ESR1: variants seen among roughly 807,000 people sequenced by gnomAD.
ESR1 encodes the protein estrogen receptor.
A neutral mutation model predicts 52.7 loss-of-function variants in ESR1; 12 were observed. That is an observed-to-expected ratio of 0.23 (90% CI 0.15 to 0.37). The LOEUF (loss-of-function observed/expected upper bound fraction) is 0.37, where lower values mean the gene tolerates loss of function less well. Among genes scored for constraint, ESR1 ranks in the 10% least tolerant of loss-of-function variants. The pLI is 1.00. For synonymous variants in ESR1, 305 were observed against 316.8 expected, an observed-to-expected ratio of 0.96 and a Z score of 0.39; for missense variants, 584 against 779.7, an observed-to-expected ratio of 0.75 and a Z score of 2.99.
intron 1 of ESR1, among the ~76,000 whole-genome samples, chr6:151,663,975 G>A (rs1024799483): frequency 4.6e-5 from 7 of 152,042 alleles, no homozygotes; most frequent in African/African-American, 1.4e-4. Flanking sequence ...CCTCTGCCCC[G>A]GACTCTGTTG....
intron 3 of ESR1, among the ~76,000 whole-genome samples, chr6:151,899,951 G>C (rs953081800): frequency 2.0e-5 from 3 of 150,668 alleles, no homozygotes; most frequent in Non-Finnish European, 3.0e-5. Flanking sequence ...CATCCCAGAC[G>C]ATGGCGGCCA....
At chr6:152,005,625 G>C (rs2042270266) in intron 4 of ESR1, among the ~76,000 whole-genome samples, 1 of 152,020 alleles carries the variant, frequency 6.6e-6, no homozygotes, top group African/African-American at 2.4e-5. Context: ...ATGGCTTTCT[G>C]GGACATCTGC....
At chr6:151,775,591 C>CAA (rs199783825) in intron 2 of ESR1, among the ~76,000 whole-genome samples, 3 of 151,748 alleles carry the variant, frequency 2.0e-5, no homozygotes, top group African/African-American at 7.3e-5. Context: ...ACTAAAAATA[C>CAA]AAAAAAATTA....
chr6:151,714,556 C>T (rs1199880007), intron 2 of ESR1, among the ~76,000 whole-genome samples: 3 of 152,116 alleles, frequency 2.0e-5, no homozygotes, highest in Non-Finnish European at 4.4e-5. Flanking sequence ...ATAGTTAGCT[C>T]TTCTCGTTGC....
chr6:151,821,391 C>T (rs1459176602), intron 1 of ESR1, among the ~76,000 whole-genome samples: 1 of 152,210 alleles, frequency 6.6e-6, no homozygotes, highest in Admixed American at 6.5e-5. Flanking sequence ...GAATTTTTAA[C>T]CTCTGTTTGT....
chr6:151,944,682 T>C (rs576314633), intron 4 of ESR1, among the ~76,000 whole-genome samples, 174 bp downstream of exon 4: 4 of 152,256 alleles, frequency 2.6e-5, no homozygotes, highest in African/African-American at 9.6e-5. Flanking sequence ...TCCAGGAGAT[T>C]AGGAAATAAT....
intron 2 of ESR1, among the ~76,000 whole-genome samples, chr6:151,708,877 A>G (rs1320453902): frequency 2.6e-5 from 4 of 152,208 alleles, no homozygotes; most frequent in Non-Finnish European, 5.9e-5. Context: ...ATATCTTGAT[A>G]TATCAATATC....
intron 1 of ESR1, among the ~76,000 whole-genome samples, chr6:151,838,795 T>C (rs964069981): frequency 5.9e-5 from 9 of 152,170 alleles, no homozygotes; most frequent in Non-Finnish European, 1.2e-4. Flanking sequence ...AGTTTCCCCG[T>C]CTTCTTTAGA....
chr6:151,792,297 G>C (rs1252949697), intron 2 of ESR1, among the ~76,000 whole-genome samples: 1 of 152,170 alleles, frequency 6.6e-6, no homozygotes, highest in Non-Finnish European at 1.5e-5. Context: ...GAGTGAATGT[G>C]AAGGCCTAGG....
chr6:152,109,555 G>A (rs925004389), intron 6 of ESR1, among the ~76,000 whole-genome samples: 1 of 151,958 alleles, frequency 6.6e-6, no homozygotes, highest in Non-Finnish European at 1.5e-5. Flanking sequence ...GTGTGGTGGT[G>A]CATGCCTGTA....
chr6:152,024,821 T>G (rs1161762806), intron 5 of ESR1, among the ~76,000 whole-genome samples: 2 of 149,750 alleles, frequency 1.3e-5, no homozygotes, highest in African/African-American at 4.9e-5. Context: ...TGTGTACATA[T>G]ACACATATAT....
intron 2 of ESR1, among the ~76,000 whole-genome samples, chr6:151,874,858 A>G (rs1297156375): frequency 6.6e-6 from 1 of 152,204 alleles, no homozygotes; most frequent in Non-Finnish European, 1.5e-5. Context: ...GAAACTGCTA[A>G]TCTTGTAGAG....
intron 2 of ESR1, among the ~76,000 whole-genome samples, chr6:151,728,169 G>A (rs1371625105): frequency 2.0e-5 from 3 of 152,076 alleles, no homozygotes; most frequent in Admixed American, 1.3e-4. Context: ...ATGTGGCAGG[G>A]GACCTTAGCT....
chr6:151,671,554 A>G (rs1778059660), intron 1 of ESR1, among the ~76,000 whole-genome samples: 1 of 152,282 alleles, frequency 6.6e-6, no homozygotes, highest in African/African-American at 2.4e-5. Flanking sequence ...AAGGGGAGAT[A>G]TTGGTCAAAG....
At chr6:152,008,729 A>C (rs2042530804) in intron 4 of ESR1, among the ~76,000 whole-genome samples, 2 of 152,054 alleles carry the variant, frequency 1.3e-5, no homozygotes, top group Non-Finnish European at 2.9e-5. Flanking sequence ...GGTAGGTTTC[A>C]TCATGGGTGG....
chr6:151,806,477 T>C (rs1330896920), upstream of ESR1, among the ~76,000 whole-genome samples: 1 of 147,528 alleles, frequency 6.8e-6, no homozygotes, highest in Non-Finnish European at 1.5e-5. Context: ...GTATAAACTA[T>C]CCAAGATTAT....
At chr6:151,725,310 A>G (rs1781759125) in intron 2 of ESR1, among the ~76,000 whole-genome samples, 1 of 152,238 alleles carries the variant, frequency 6.6e-6, no homozygotes, top group East Asian at 1.9e-4. Flanking sequence ...TTTTGAGGTC[A>G]TGTGGTTGTG....
At chr6:152,058,785 A>G (rs1355826435) in intron 5 of ESR1, among the ~76,000 whole-genome samples, 1 of 152,158 alleles carries the variant, frequency 6.6e-6, no homozygotes, top group East Asian at 1.9e-4. Flanking sequence ...GGCTCTCAGT[A>G]AATCTTGTTG....
At chr6:152,109,444 T>A (rs930189088) in intron 6 of ESR1, among the ~76,000 whole-genome samples, 3 of 151,244 alleles carry the variant, frequency 2.0e-5, no homozygotes, top group Non-Finnish European at 4.4e-5. Flanking sequence ...GGCGGGCGGA[T>A]CACCTGAGGT....
Sources: allele counts gnomAD v4.1 joint callset (sites outside exome capture counted in the v4.1 genomes callset), GRCh38; gene constraint gnomAD v4.1.1; transcripts MANE v1.5; gene names NCBI Gene and HGNC (gene_info 2026-07-23, HGNC 2026-07-21).